SERINC5: variants seen among roughly 807,000 people sequenced by gnomAD.
SERINC5 encodes the protein serine incorporator 5.
SERINC5 carries 41 observed loss-of-function variants against 63.1 expected under a neutral mutation model. That is an observed-to-expected ratio of 0.65 (90% CI 0.51 to 0.84). The LOEUF is 0.84. SERINC5 is among the 40% of genes least tolerant of loss of function. The pLI is 0.00. For missense variants in SERINC5, 523 were observed against 573.0 expected (o/e 0.91, Z 0.89); for synonymous variants, 222 against 215.2 (o/e 1.03, Z -0.28).
At chr5:80,121,239 G>A (rs998581081) in intron 11 of SERINC5, among the ~76,000 whole-genome samples, 4 of 152,180 alleles carry the variant, frequency 2.6e-5, no homozygotes, top group African/African-American at 9.7e-5. Flanking sequence ...GTTTTAACTG[G>A]CTCATGATTC....
At chr5:80,191,479 C>CAAAAAAAAAAA (rs1167390197) in intron 2 of SERINC5, among the ~76,000 whole-genome samples, 3 of 38,500 alleles carry the variant, frequency 7.8e-5, no homozygotes, top group African/African-American at 1.6e-4. Flanking sequence ...TCCATCTCTA[C>CAAAAAAAAAAA]AAAAAAAAAA....
At chr5:80,201,085 C>G (rs1434112163) in intron 2 of SERINC5, among the ~76,000 whole-genome samples, 4 of 151,898 alleles carry the variant, frequency 2.6e-5, no homozygotes, top group African/African-American at 9.7e-5. Context: ...GGCAACAGAG[C>G]AAGACTCCAT....
At chr5:80,155,279 T>G (rs958796158) in intron 8 of SERINC5, among the ~76,000 whole-genome samples, 1 of 152,178 alleles carries the variant, frequency 6.6e-6, no homozygotes, top group African/African-American at 2.4e-5. Context: ...GAAAGAGCCA[T>G]CAGGGCTGGC....
chr5:80,157,617 A>T (rs1427567850), intron 8 of SERINC5: 1 of 152,096 alleles, frequency 6.6e-6, no homozygotes, highest in African/African-American at 2.4e-5. Flanking sequence ...CAGCCTCCCA[A>T]AGTGCTGGGA....
chr5:80,228,151 G>C (rs994423641), intron 1 of SERINC5, among the ~76,000 whole-genome samples: 20 of 149,692 alleles, frequency 1.3e-4, no homozygotes, highest in African/African-American at 4.7e-4. Flanking sequence ...AGGATCACCA[G>C]AGCCTGTGAG....
intron 7 of SERINC5, among the ~76,000 whole-genome samples, chr5:80,160,003 C>A (rs1355745786): frequency 6.6e-6 from 1 of 152,196 alleles, no homozygotes; most frequent in Non-Finnish European, 1.5e-5. Context: ...GCCACTCTAT[C>A]AAATTAATCC....
chr5:80,135,194 C>T (rs779424950), downstream of SERINC5, among the ~76,000 whole-genome samples: 1 of 152,092 alleles, frequency 6.6e-6, no homozygotes, highest in African/African-American at 2.4e-5. Context: ...CCACCAAGCC[C>T]GCCTAATTTT....
intron 11 of SERINC5, among the ~76,000 whole-genome samples, chr5:80,121,026 T>C (rs1018868741): frequency 6.6e-6 from 1 of 152,046 alleles, no homozygotes; most frequent in South Asian, 2.1e-4. Context: ...TAGCTGGGAC[T>C]ATAGGCATGT....
At chr5:80,194,409 T>C (rs1749377560) in intron 2 of SERINC5, among the ~76,000 whole-genome samples, 1 of 152,200 alleles carries the variant, frequency 6.6e-6, no homozygotes. Flanking sequence ...AGACCTGTCA[T>C]TTTACATTGG....
In SERINC5 at chr5:80,169,359, C is replaced by A; in HGVS notation, c.739G>T (p.Ala247Ser). The A allele has an allele frequency of 6.2e-7, 1 of 1,613,904 alleles. No homozygotes were observed. Among genetic ancestry groups the A allele is most frequent in the Non-Finnish European group, 8.5e-7 (1 of 1,179,820 alleles). The change falls in exon 6 of 12, where the codon GCC becomes TCC. Residue 247 changes from alanine (A) to serine (S), a missense_variant. Transcript: ENST00000507668. The part of the protein sequence containing the change: ...GGLCLLISLV[A>S]ISPWVQNRQP... ...CGATTTTGGACCCAGGGTGAGATGGCTACCAATGATATAAGCAGGCACAGG... is the reference window on the plus strand; with the variant it reads ...CGATTTTGGACCCAGGGTGAGATGGATACCAATGATATAAGCAGGCACAGG...
At chr5:80,198,015 T>C (rs1749614923) in intron 2 of SERINC5, among the ~76,000 whole-genome samples, 1 of 152,022 alleles carries the variant, frequency 6.6e-6, no homozygotes. Context: ...AATTTTTGTA[T>C]TTTTAGTAGA....
At chr5:80,181,416 T>TTGTGTGTGTGTGTGTGTGTGTGTGTG (rs70982028) in intron 2 of SERINC5, among the ~76,000 whole-genome samples, 31 of 145,444 alleles carry the variant, frequency 2.1e-4, no homozygotes, top group African/African-American at 7.6e-4. Context: ...TCAGCTAATT[T>TTGTGTGTGTGTGTGTGTGTGTGTGTG]TGTGTGTGTG....
At chr5:80,220,008 G>C (rs1389298892) in intron 1 of SERINC5, among the ~76,000 whole-genome samples, 1 of 152,034 alleles carries the variant, frequency 6.6e-6, no homozygotes, top group East Asian at 1.9e-4. Flanking sequence ...AGGAGTTCAA[G>C]ACCAGCCTGG....
chr5:80,139,279 C>T lies in SERINC5; in HGVS notation c.*4384G>A, dbSNP rs1350080779. The T allele has an allele frequency of 9.2e-6, 9 of 975,156 alleles. No homozygotes were observed. Among genetic ancestry groups the T allele is most frequent in the Non-Finnish European group, 1.1e-5 (9 of 820,744 alleles). 60.4% of individuals were successfully genotyped at this position (975,156 alleles called of 1,614,324 possible). A position where few individuals can be genotyped will look rare whatever the true frequency, so the allele number is the denominator to read the frequency against. ...TTTAATAAAGGAAAACAAAACAATC[C>T]TCTTAAATTTCTTATAAATAGCTCT... On this transcript the variant is annotated 3_prime_UTR_variant, in exon 12 of 12. Coordinates refer to ENST00000507668, the MANE Select transcript of SERINC5 (RefSeq NM_001174072.3).
At chr5:80,114,995 T>A (rs181411631) in intron 11 of SERINC5, among the ~76,000 whole-genome samples, 13 of 152,026 alleles carry the variant, frequency 8.6e-5, no homozygotes, top group Middle Eastern at 6.8e-3. Flanking sequence ...CAATGACTGA[T>A]TTTCTGCCGC....
At chr5:80,113,026 T>A (rs1437077208) in intron 12 of SERINC5, among the ~76,000 whole-genome samples, 1 of 152,240 alleles carries the variant, frequency 6.6e-6, no homozygotes, top group African/African-American at 2.4e-5. Context: ...TTTTATTGTT[T>A]ACTTAATGCT....
chr5:80,157,374 T>G (rs2112341873), intron 8 of SERINC5: 1 of 151,946 alleles, frequency 6.6e-6, no homozygotes, highest in East Asian at 1.9e-4. Flanking sequence ...TCATGGTTGG[T>G]TTTTCAAAAG....
chr5:80,124,768 T>C (rs1744679903), intron 11 of SERINC5, among the ~76,000 whole-genome samples: 1 of 152,108 alleles, frequency 6.6e-6, no homozygotes, highest in African/African-American at 2.4e-5. Flanking sequence ...ACGTCCTGAT[T>C]CCAAGTTCCT....
chr5:80,113,236 C>G (rs1244541398), intron 12 of SERINC5, among the ~76,000 whole-genome samples: 1 of 152,104 alleles, frequency 6.6e-6, no homozygotes, highest in Non-Finnish European at 1.5e-5. Context: ...TTCCAGAAAG[C>G]TTCAACAAAT....
Sources: allele counts gnomAD v4.1 joint callset (sites outside exome capture counted in the v4.1 genomes callset), GRCh38; gene constraint gnomAD v4.1.1; transcripts MANE v1.5; gene names NCBI Gene and HGNC (gene_info 2026-07-23, HGNC 2026-07-21).